APOH: variants seen among roughly 807,000 people sequenced by gnomAD.
The protein encoded by APOH is beta-2-glycoprotein 1.
A neutral mutation model predicts 39.8 loss-of-function variants in APOH; 48 were observed. That is an observed-to-expected ratio of 1.21 (90% CI 0.96 to 1.54). APOH has a LOEUF of 1.54. Ranked by LOEUF, APOH falls within the 40% of genes most tolerant of loss-of-function variation. The pLI is 0.00. For missense variants in APOH, 415 were observed against 421.2 expected (o/e 0.99, Z 0.13); for synonymous variants, 153 against 151.1 (o/e 1.01, Z -0.09).
chr17:66,223,275 T>C (rs2073413267), intron 4 of APOH, among the ~76,000 whole-genome samples: 1 of 152,208 alleles, frequency 6.6e-6, no homozygotes, highest in Admixed American at 6.5e-5. Flanking sequence ...ATTGAATAAG[T>C]TAATAAATGA....
intron 2 of APOH, among the ~76,000 whole-genome samples, chr17:66,226,506 G>A (rs1459623770): frequency 2.6e-5 from 4 of 151,980 alleles, no homozygotes; most frequent in African/African-American, 9.7e-5. Context: ...ATGATGGTGG[G>A]TGCCTGTAGT....
At chr17:66,220,254 T>C (rs988807006) in intron 5 of APOH, among the ~76,000 whole-genome samples, 2 of 152,178 alleles carry the variant, frequency 1.3e-5, no homozygotes, top group African/African-American at 4.8e-5. Flanking sequence ...GTGGTATGCC[T>C]TCTCCTCATT....
intron 3 of APOH, among the ~76,000 whole-genome samples, chr17:66,224,810 T>C (rs1399869473): frequency 6.6e-6 from 1 of 151,256 alleles, no homozygotes; most frequent in Non-Finnish European, 1.5e-5. Flanking sequence ...GGCTCACACC[T>C]GTAATCCCAG....
intron 5 of APOH, among the ~76,000 whole-genome samples, chr17:66,218,747 C>T (rs1031872085): frequency 2.2e-4 from 33 of 152,126 alleles, no homozygotes; most frequent in South Asian, 8.3e-4. Context: ...ACTAGGCTCA[C>T]GCCTGTAATC....
At chr17:66,226,409 G>C (rs1348249426) in intron 2 of APOH, among the ~76,000 whole-genome samples, 2 of 152,206 alleles carry the variant, frequency 1.3e-5, no homozygotes, top group Admixed American at 1.3e-4. Context: ...AGGCAGAGGA[G>C]GGTGGATCAC....
At chr17:66,217,071 G>A in intron 5 of APOH, 104 bp from the exon 6 acceptor site, 1 of 970,652 alleles carries the variant, frequency 1.0e-6, no homozygotes. Context: ...ATCACTGTGT[G>A]TTCCTGTAAC....
intron 5 of APOH, among the ~76,000 whole-genome samples, chr17:66,220,260 T>A (rs2073389176): frequency 6.6e-6 from 1 of 152,188 alleles, no homozygotes; most frequent in African/African-American, 2.4e-5. Flanking sequence ...TGCCTTCTCC[T>A]CATTCTCTAC....
chr17:66,213,935 CA>C (rs539350788), intron 7 of APOH, among the ~76,000 whole-genome samples: 376 of 135,534 alleles, frequency 2.8e-3, no homozygotes, highest in Middle Eastern at 3.8e-3. Context: ...GACCTTGTCT[CA>C]AAAAAAAAAA....
intron 4 of APOH, among the ~76,000 whole-genome samples, chr17:66,223,018 G>A (rs972246140): frequency 6.6e-6 from 1 of 152,244 alleles, no homozygotes; most frequent in African/African-American, 2.4e-5. Context: ...AAAGCCCAGA[G>A]ATGACTCTGA....
chr17:66,221,777 C>T (rs917310779), intron 4 of APOH, among the ~76,000 whole-genome samples: 2 of 152,174 alleles, frequency 1.3e-5, no homozygotes, highest in Non-Finnish European at 2.9e-5. Context: ...TGGCTTGTCA[C>T]CCTGACCTGA....
chr17:66,220,859 A>G, intron 4 of APOH, 117 bp from the exon 5 acceptor site: 1 of 1,081,502 alleles, frequency 9.2e-7, no homozygotes, highest in Non-Finnish European at 1.3e-6. Flanking sequence ...AACTGATCAA[A>G]TTAGCAGGGT....
intron 1 of APOH, among the ~76,000 whole-genome samples, chr17:66,228,958 G>A (rs1174827597): frequency 6.6e-6 from 1 of 151,574 alleles, no homozygotes; most frequent in Non-Finnish European, 1.5e-5. Flanking sequence ...TCAGCCTCCC[G>A]AGTGGCTGGG....
At chr17:66,215,460 T>C (rs1353902257) in intron 6 of APOH, among the ~76,000 whole-genome samples, 1 of 152,168 alleles carries the variant, frequency 6.6e-6, no homozygotes, top group African/African-American at 2.4e-5. Context: ...AACCGGTGCC[T>C]TACCCTCGCA....
At chr17:66,221,848 G>T (rs1294598925) in intron 4 of APOH, among the ~76,000 whole-genome samples, 2 of 152,116 alleles carry the variant, frequency 1.3e-5, no homozygotes, top group Non-Finnish European at 2.9e-5. Context: ...ACCAAAATGC[G>T]ATTTACCTTG....
Position 66,219,024 on chromosome 17 carries a change from A to T in APOH, c.604+1530T>A, listed in dbSNP as rs111631407. On this transcript the variant is annotated intron_variant, in intron 5 of 7. Coordinates refer to ENST00000205948, the MANE Select transcript of APOH (RefSeq NM_000042.3). ...GACACCATTTCAAAATAATAATAAT[A>T]ATTATTATTATAGGAGACTAGAGAG... 3.3e-3 allele frequency among the ~76,000 whole-genome samples: 495 copies of T among 151,936 alleles called. 2 individuals are homozygous for T. Among genetic ancestry groups the T allele is most frequent in the Middle Eastern group, 0.014 (4 of 294 alleles).
At chr17:66,225,544 T>C (rs2073434120) in intron 3 of APOH, among the ~76,000 whole-genome samples, 1 of 152,184 alleles carries the variant, frequency 6.6e-6, no homozygotes, top group African/African-American at 2.4e-5. Flanking sequence ...GGAATTATCA[T>C]CCAGGTTCAA....
intron 1 of APOH, among the ~76,000 whole-genome samples, chr17:66,228,793 C>A (rs1208791634): frequency 7.4e-6 from 1 of 134,244 alleles, no homozygotes; most frequent in African/African-American, 2.9e-5. Context: ...GAGCGAGACT[C>A]TGTCTCAAAA....
In APOH at chr17:66,220,554, C is replaced by A. The variant is rs749519289; in HGVS notation, c.604G>T (p.Glu202Ter). The A allele has an allele frequency of 6.2e-7, 1 of 1,613,530 alleles. No individual in the cohort carries two copies. The highest frequency in any genetic ancestry group is 1.7e-5 in the Admixed American group (1 of 59,994). ...GNWTKLPECR[E>*]VKCPFPSRPD... ...TATTTTGTCTGATCATTGCACTTACCCCTGCATTCTGGTAATTTAGTCCAA... is the reference window on the plus strand; with the variant it reads ...TATTTTGTCTGATCATTGCACTTACACCTGCATTCTGGTAATTTAGTCCAA... Residue 202 changes from glutamate (E) to a stop codon, truncating the protein, a stop_gained and splice_region_variant, in exon 5 of 8, where the codon GAA becomes TAA. Transcript: ENST00000205948. LOFTEE classifies it high-confidence loss of function.
chr17:66,224,660 AGGG>A (rs1160223599), intron 3 of APOH, among the ~76,000 whole-genome samples: 459 of 28,472 alleles, frequency 0.016, 13 homozygotes, highest in African/African-American at 0.079. Context: ...AGGGAAGGGA[AGGG>A]AAGGGAAGGG....
Sources: allele counts gnomAD v4.1 joint callset (sites outside exome capture counted in the v4.1 genomes callset), GRCh38; gene constraint gnomAD v4.1.1; transcripts MANE v1.5; gene names NCBI Gene and HGNC (gene_info 2026-07-23, HGNC 2026-07-21).